The following GARNL3 variants were observed in gnomAD, a reference collection of about 807,000 sequenced individuals.
GARNL3 encodes the protein GTPase-activating Rap/Ran-GAP domain-like protein 3.
GARNL3 carries 63 observed loss-of-function variants against 125.0 expected under a neutral mutation model. That is an observed-to-expected ratio of 0.50 (90% CI 0.41 to 0.62). The LOEUF is 0.62. GARNL3 is among the 20% of genes least tolerant of loss of function. The pLI is 0.00. For synonymous variants in GARNL3, 439 were observed against 457.5 expected (o/e 0.96, Z 0.52); for missense variants, 994 against 1,244.0 (o/e 0.80, Z 3.02).
upstream of GARNL3, among the ~76,000 whole-genome samples, chr9:127,259,321 G>A (rs2063544806): frequency 6.6e-6 from 1 of 152,192 alleles, no homozygotes; most frequent in Non-Finnish European, 1.5e-5. Context: ...GTTCATGCCT[G>A]CGAAGTGTGA....
chr9:127,349,911 G>T (rs561648888), intron 17 of GARNL3, among the ~76,000 whole-genome samples: 4 of 152,272 alleles, frequency 2.6e-5, no homozygotes, highest in Admixed American at 2.6e-4. Context: ...TGACATAATG[G>T]CCTAAAACTG....
chr9:127,313,156 A>G (rs978044047), intron 3 of GARNL3, among the ~76,000 whole-genome samples: 3 of 152,126 alleles, frequency 2.0e-5, no homozygotes, highest in Non-Finnish European at 4.4e-5. Context: ...GAGGAAGAAG[A>G]AGACGGTATT....
intron 4 of GARNL3, among the ~76,000 whole-genome samples, 196 bp downstream of exon 4, chr9:127,313,755 G>T (rs45448695): frequency 0.14 from 21,172 of 147,054 alleles, 1,861 homozygotes; most frequent in East Asian, 0.22. Flanking sequence ...CTGGCCTTTT[G>T]AAAAAAAAAA....
At chr9:127,335,577 GTAAACATGTATAGGTATT>G (rs1392184678) in intron 10 of GARNL3, among the ~76,000 whole-genome samples, 2 of 152,172 alleles carry the variant, frequency 1.3e-5, no homozygotes, top group African/African-American at 2.4e-5. Flanking sequence ...GTGTGTATGT[GTAAACATGTATAGGTATT>G]TGTATGTGTG....
intron 7 of GARNL3, among the ~76,000 whole-genome samples, chr9:127,329,986 T>C (rs1276571279): frequency 2.6e-5 from 4 of 152,234 alleles, no homozygotes; most frequent in African/African-American, 9.6e-5. Flanking sequence ...AGCCTCTTGG[T>C]TTTTTCTTTA....
chr9:127,313,755 G>GAA (rs373572237), intron 4 of GARNL3, among the ~76,000 whole-genome samples, 196 bp downstream of exon 4: 1 of 147,004 alleles, frequency 6.8e-6, no homozygotes, highest in African/African-American at 2.5e-5. Context: ...CTGGCCTTTT[G>GAA]AAAAAAAAAA....
chr9:127,318,300 A>G (rs1055855321), intron 5 of GARNL3, among the ~76,000 whole-genome samples, 173 bp downstream of exon 5: 1 of 152,140 alleles, frequency 6.6e-6, no homozygotes, highest in African/African-American at 2.4e-5. Flanking sequence ...CATCACAGCA[A>G]CCCTGTAGGG....
intron 1 of GARNL3, among the ~76,000 whole-genome samples, chr9:127,288,494 G>A (rs2064316721): frequency 6.6e-6 from 1 of 152,186 alleles, no homozygotes; most frequent in Non-Finnish European, 1.5e-5. Context: ...AGACTCAGTA[G>A]GAGGTGGTTG....
At chr9:127,314,521 C>T (rs894286381) in intron 4 of GARNL3, among the ~76,000 whole-genome samples, 2 of 151,970 alleles carry the variant, frequency 1.3e-5, no homozygotes, top group Non-Finnish European at 2.9e-5. Flanking sequence ...TCTTCCTTCA[C>T]CCCTTCCTTC....
At chr9:127,380,719 C>T (rs146881072) in intron 22 of GARNL3, among the ~76,000 whole-genome samples, 15 of 152,180 alleles carry the variant, frequency 9.9e-5, no homozygotes, top group African/African-American at 2.4e-4. Context: ...ATGAAATGTC[C>T]GGAAAAGGCA....
At position 127,231,050 on chromosome 9, in the gene GARNL3, A is replaced by ATATAT. The variant is rs1161629810; in HGVS notation, c.-29+6713_-29+6714insATATT. On this transcript the variant is annotated intron_variant, in intron 1 of 10. Coordinates refer to the GARNL3 transcript ENST00000439286. ...TGTATATATACATATATATATATAT[A>ATATAT]TTTTTTTTTTTTTTTTTTTTTTGAG... Among the ~76,000 whole-genome samples, 160 of 89,558 alleles carry ATATAT rather than the reference A, an allele frequency of 1.8e-3. 3 individuals carry two copies. The highest frequency in any genetic ancestry group is 0.012 in the African/African-American group (157 of 12,604). 58.8% of individuals were successfully genotyped at this position (89,558 alleles called of 152,430 possible). A position where few individuals can be genotyped will look rare whatever the true frequency, so the allele number is the denominator to read the frequency against.
rs780542723 is a variant in GARNL3, at chr9:127,355,370, G to A, written c.1833G>A (p.Leu611=). ...TTGTGGTTGCAATTCGGAATAAACT[G>A]CTTCTGATCACAAGAAAACACAACA... ...LRIVVAIRNK[L]LLITRKHNKP... is the part of the protein sequence containing the mutation. Residue 611 remains leucine, a synonymous_variant, in exon 20 of 28, where the codon CTG becomes CTA. Coordinates refer to ENST00000373387, the MANE Select transcript of GARNL3 (RefSeq NM_032293.5). The A allele has an allele frequency of 6.2e-7, 1 of 1,614,208 alleles. No homozygotes were observed. Among genetic ancestry groups the A allele is most frequent in the Non-Finnish European group, 8.5e-7 (1 of 1,180,026 alleles).
At chr9:127,243,786 GGGTGGTAACTGT>G (rs2063245087) in intron 2 of GARNL3, among the ~76,000 whole-genome samples, 1 of 152,166 alleles carries the variant, frequency 6.6e-6, no homozygotes, top group Non-Finnish European at 1.5e-5. Context: ...AAGGCCTATA[GGGTGGTAACTGT>G]GTTTTTATAT....
In GARNL3 at chr9:127,393,353, C is replaced by A; in HGVS notation, c.*99C>A. 1 of 1,147,200 alleles carries A rather than the reference C, an allele frequency of 8.7e-7. No individual in the cohort carries two copies. The highest frequency in any genetic ancestry group is 1.2e-6 in the Non-Finnish European group (1 of 801,238). 71.1% of individuals were successfully genotyped at this position (1,147,200 alleles called of 1,614,324 possible). On this transcript the variant is annotated 3_prime_UTR_variant, in exon 28 of 28. Coordinates refer to ENST00000373387, the MANE Select transcript of GARNL3 (RefSeq NM_032293.5). ...TTCTCAACAAAATGTGGCTTTTAGC[C>A]TGTCAGTGATCTATTGGACCAAACC...
chr9:127,277,798 C>T (rs2063995730), intron 1 of GARNL3, among the ~76,000 whole-genome samples: 1 of 152,116 alleles, frequency 6.6e-6, no homozygotes, highest in Admixed American at 6.5e-5. Context: ...TTCCATGCAG[C>T]CTTACCTGAT....
rs142068662 is a variant in GARNL3 at position 127,337,013 on chromosome 9, G to T, written c.982+777G>T. ...TAAACATGTTTGGAGACAGGCCCACGGTGACTCATGGCATCTGGAGACTTG... is the reference window on the plus strand; with the variant it reads ...TAAACATGTTTGGAGACAGGCCCACTGTGACTCATGGCATCTGGAGACTTG... On this transcript the variant is annotated intron_variant, in intron 11 of 27. Transcript: ENST00000373387. 1.2e-3 allele frequency among the ~76,000 whole-genome samples: 180 copies of T among 152,304 alleles called. 1 individual carries two copies. The highest frequency in any genetic ancestry group is 3.7e-3 in the East Asian group (19 of 5,192).
chr9:127,343,838 T>A (rs1829996511), intron 14 of GARNL3, among the ~76,000 whole-genome samples: 1 of 152,224 alleles, frequency 6.6e-6, no homozygotes. Context: ...CCCACAAGGC[T>A]GCAGATTTGC....
At position 127,310,225 on chromosome 9, in the gene GARNL3, A is replaced by G. The variant is rs190278711; in HGVS notation, c.220-1411A>G. On this transcript the variant is annotated intron_variant, in intron 2 of 27. Coordinates refer to ENST00000373387, the MANE Select transcript of GARNL3 (RefSeq NM_032293.5). ...GTTTCGTTAATGCTGGGATGGGGGA[A>G]TTTTTTATAGTAATTAAGCAAAAGC... Among the ~76,000 whole-genome samples, 11 of 152,344 alleles carry G rather than the reference A, an allele frequency of 7.2e-5. No individual in the cohort carries two copies. The East Asian group carries it at 9.6e-4, about 13-fold the overall frequency.
chr9:127,324,195 G>A (rs752450670), intron 6 of GARNL3, among the ~76,000 whole-genome samples: 1 of 152,192 alleles, frequency 6.6e-6, no homozygotes. Flanking sequence ...AGGCTGCAAT[G>A]AGCCAAGGTC....
Sources: gnomAD v4.1 joint callset for allele counts (sites outside exome capture counted in the v4.1 genomes callset) on GRCh38, gnomAD v4.1.1 for gene constraint, MANE v1.5 for transcripts, NCBI Gene and HGNC (gene_info 2026-07-23, HGNC 2026-07-21) for gene names.